ARHGAP5: variants seen among roughly 807,000 people sequenced by gnomAD.
The protein encoded by ARHGAP5 is rho GTPase-activating protein 5.
ARHGAP5 carries 23 observed loss-of-function variants against 116.6 expected under a neutral mutation model. The ratio of observed to expected loss-of-function variants is 0.20; its 90% confidence interval spans 0.14 to 0.28. ARHGAP5 has a LOEUF of 0.28. Ranked by LOEUF, ARHGAP5 falls within the 10% of genes least tolerant of loss-of-function variation. The pLI is 1.00. For synonymous variants in ARHGAP5, 574 were observed against 602.0 expected (o/e 0.95, Z 0.68); for missense variants, 1,405 against 1,774.8 (o/e 0.79, Z 3.74).
In ARHGAP5 at chr14:32,156,693, C is replaced by T. The variant is rs1377786396; in HGVS notation, c.*1745C>T. ...GTTCTATATTACTTATACCTATTGTCTATATAGCTTTAATTTATAGTTGTC... is the reference window on the plus strand; with the variant it reads ...GTTCTATATTACTTATACCTATTGTTTATATAGCTTTAATTTATAGTTGTC... On this transcript the variant is annotated 3_prime_UTR_variant, in exon 7 of 7. Transcript: ENST00000345122. The T allele has an allele frequency of 6.6e-6, 1 of 152,198 alleles. No individual in the cohort carries two copies. The highest frequency in any genetic ancestry group is 1.5e-5 in the Non-Finnish European group (1 of 67,772). 9.4% of individuals were successfully genotyped at this position (152,198 alleles called of 1,614,324 possible).
chr14:32,106,536 AT>A (rs1029462504), intron 2 of ARHGAP5, among the ~76,000 whole-genome samples: 16 of 151,990 alleles, frequency 1.1e-4, no homozygotes, highest in African/African-American at 3.9e-4. Context: ...TCCATTCACC[AT>A]TTTTTTCAAA....
In ARHGAP5 at chr14:32,082,705, A is replaced by C. The variant is rs182910879; in HGVS notation, c.-169+5270A>C. Among the ~76,000 whole-genome samples the C allele has an allele frequency of 3.6e-3, 542 of 152,120 alleles. 4 individuals are homozygous for C. The highest frequency in any genetic ancestry group is 0.012 in the African/African-American group (518 of 41,504). On this transcript the variant is annotated intron_variant, in intron 1 of 6. Coordinates refer to ENST00000345122, the MANE Select transcript of ARHGAP5 (RefSeq NM_001030055.2). ...CAGGCACACGCCATCACGCCTGGCT[A>C]ATTTTTGTATTTTTAGTAGAGATGG...
In ARHGAP5 at chr14:32,157,562, G is replaced by T. The variant is rs939950353; in HGVS notation, c.*2614G>T. On this transcript the variant is annotated 3_prime_UTR_variant, in exon 7 of 7. Coordinates refer to ENST00000345122, the MANE Select transcript of ARHGAP5 (RefSeq NM_001030055.2). ...ATTAGCAATATAAAGAAGCATAGTGGTACTCTGTTTCACACTTTCAGTAGA... is the reference window on the plus strand; with the variant it reads ...ATTAGCAATATAAAGAAGCATAGTGTTACTCTGTTTCACACTTTCAGTAGA... The T allele has an allele frequency of 6.6e-6, 1 of 152,122 alleles. No homozygotes were observed. Among genetic ancestry groups the T allele is most frequent in the Admixed American group, 6.6e-5 (1 of 15,236 alleles). 9.4% of individuals were successfully genotyped at this position (152,122 alleles called of 1,614,324 possible).
chr14:32,101,273 G>A (rs1878776114), intron 2 of ARHGAP5, among the ~76,000 whole-genome samples: 2 of 152,216 alleles, frequency 1.3e-5, no homozygotes, highest in African/African-American at 2.4e-5. Flanking sequence ...GAGACTGGCA[G>A]AAGAATAAAA....
chr14:32,117,584 A>C (rs1446386115), intron 3 of ARHGAP5, among the ~76,000 whole-genome samples: 1 of 152,194 alleles, frequency 6.6e-6, no homozygotes, highest in Non-Finnish European at 1.5e-5. Flanking sequence ...TTTAGTGAAG[A>C]GATATAGTTA....
At chr14:32,149,449 C>G (rs1881540670) in intron 4 of ARHGAP5, among the ~76,000 whole-genome samples, 1 of 151,774 alleles carries the variant, frequency 6.6e-6, no homozygotes, top group African/African-American at 2.4e-5. Flanking sequence ...TTGTCTTTTC[C>G]CTGATCTGTG....
At chr14:32,082,553 A>AT (rs536028853) in intron 1 of ARHGAP5, among the ~76,000 whole-genome samples, 26 of 149,800 alleles carry the variant, frequency 1.7e-4, no homozygotes, top group African/African-American at 3.2e-4. Flanking sequence ...TAATTAATTA[A>AT]TTTTTTTTTT....
At chr14:32,081,548 CAAAAAAAAAAA>C (rs529516365) in intron 1 of ARHGAP5, among the ~76,000 whole-genome samples, 1 of 48,892 alleles carries the variant, frequency 2.0e-5, no homozygotes, top group Non-Finnish European at 4.5e-5. Context: ...GACTCCTTCT[CAAAAAAAAAAA>C]AAAAAAAAAA....
At chr14:32,124,936 A>G (rs987571403) in intron 3 of ARHGAP5, among the ~76,000 whole-genome samples, 1 of 152,236 alleles carries the variant, frequency 6.6e-6, no homozygotes, top group African/African-American at 2.4e-5. Flanking sequence ...ACTAGGGAGA[A>G]GAAAAATTTT....
intron 3 of ARHGAP5, among the ~76,000 whole-genome samples, chr14:32,123,732 ATAGTT>A (rs1880005281): frequency 6.6e-6 from 1 of 152,168 alleles, no homozygotes; most frequent in Admixed American, 6.5e-5. Context: ...AAAGAAAAAA[ATAGTT>A]AAGAATGTTT....
intron 5 of ARHGAP5, 73 bp downstream of exon 5, chr14:32,150,106 A>T: frequency 8.0e-7 from 1 of 1,256,342 alleles, no homozygotes; most frequent in Non-Finnish European, 1.1e-6. Context: ...AAGTGTTAAA[A>T]TCATCATGTA....
At position 32,091,785 on chromosome 14, in the gene ARHGAP5, A is replaced by G; in HGVS notation, c.1116A>G (p.Ala372=). The G allele has an allele frequency of 6.2e-7, 1 of 1,613,710 alleles. No homozygotes were observed. Among genetic ancestry groups the G allele is most frequent in the Non-Finnish European group, 8.5e-7 (1 of 1,179,664 alleles). The change falls in exon 2 of 7, where the codon GCA becomes GCG. Residue 372 remains alanine (A), a synonymous_variant. Transcript: ENST00000345122. ...SEALKLMEKR[A]DFQLCFVVLE... ...CTTTGAAGTTAATGGAAAAGAGAGC[A>G]GATTTCCAGTTATGTTTTGTGGTGC...
At chr14:32,083,680 A>G (rs938869869) in intron 1 of ARHGAP5, among the ~76,000 whole-genome samples, 1 of 152,092 alleles carries the variant, frequency 6.6e-6, no homozygotes, top group Non-Finnish European at 1.5e-5. Context: ...TCTTGTTGAT[A>G]TTCTTATTCA....
intron 3 of ARHGAP5, among the ~76,000 whole-genome samples, chr14:32,124,942 AT>A (rs1195196962): frequency 6.6e-6 from 1 of 152,130 alleles, no homozygotes; most frequent in African/African-American, 2.4e-5. Flanking sequence ...GAGAAGAAAA[AT>A]TTTACTAAGA....
chr14:32,154,481 G>A, intron 6 of ARHGAP5, 140 bp from the exon 7 acceptor site: 1 of 763,578 alleles, frequency 1.3e-6, no homozygotes, highest in Non-Finnish European at 2.1e-6. Context: ...AATTAAAGAT[G>A]CTTCTTTATG....
chr14:32,108,482 G>T (rs1260452421), intron 2 of ARHGAP5, among the ~76,000 whole-genome samples: 1 of 152,116 alleles, frequency 6.6e-6, no homozygotes. Context: ...AGTTATTATA[G>T]AGGGAAAAGA....
intron 3 of ARHGAP5, among the ~76,000 whole-genome samples, chr14:32,123,578 T>G (rs945551377): frequency 3.3e-5 from 5 of 152,066 alleles, no homozygotes; most frequent in African/African-American, 9.7e-5. Flanking sequence ...GGTTATATTT[T>G]TCTGCTTCTT....
chr14:32,101,123 C>G (rs1261238882), intron 2 of ARHGAP5, among the ~76,000 whole-genome samples: 3 of 152,058 alleles, frequency 2.0e-5, no homozygotes, highest in African/African-American at 7.2e-5. Flanking sequence ...TTTTCCTCCT[C>G]TTTATATTAG....
chr14:32,084,802 C>G (rs1308073309), intron 1 of ARHGAP5, among the ~76,000 whole-genome samples: 1 of 152,056 alleles, frequency 6.6e-6, no homozygotes, highest in East Asian at 1.9e-4. Context: ...AGTATTATTT[C>G]GAGTCCAGGA....
Sources: allele counts gnomAD v4.1 joint callset (sites outside exome capture counted in the v4.1 genomes callset), GRCh38; gene constraint gnomAD v4.1.1; transcripts MANE v1.5; gene names NCBI Gene and HGNC (gene_info 2026-07-23, HGNC 2026-07-21).